The following TRIM72 variants were observed in gnomAD, a reference collection of about 807,000 sequenced individuals.
TRIM72 encodes the protein tripartite motif containing 72, also known as tripartite motif-containing protein 72.
TRIM72 carries 33 observed loss-of-function variants against 31.6 expected under a neutral mutation model. The ratio of observed to expected loss-of-function variants is 1.04; its 90% CI spans 0.79 to 1.40. The LOEUF is 1.40. TRIM72 is among the 40% of genes most tolerant of loss of function. The probability of loss-of-function intolerance (pLI) is 0.00; values close to 1 mark genes in which losing one functional copy is unlikely to be tolerated. For missense variants in TRIM72, 666 were observed against 682.7 expected (o/e 0.98, Z 0.27); for synonymous variants, 301 against 314.4 (o/e 0.96, Z 0.45).
rs776299968 is a variant in TRIM72 at position 31,220,874 on chromosome 16, TTC to T, written c.718-18_718-17del. The T allele has an allele frequency of 6.2e-7, 1 of 1,614,094 alleles. No individual in the cohort carries two copies. The highest frequency in any genetic ancestry group is 2.2e-5 in the East Asian group (1 of 44,880). On this transcript the variant is annotated intron_variant, in intron 4 of 6. Transcript: ENST00000322122. ...GTCCCCACCATCGGCTTCACCACCA[TTC>T]TCTTTTTCTCTCTCTCCAGAAATAC...
intron 5 of TRIM72, among the ~76,000 whole-genome samples, chr16:31,222,163 C>CGGGCAGATCACCTGAGGT (rs1202961762): frequency 6.6e-6 from 1 of 152,100 alleles, no homozygotes; most frequent in Non-Finnish European, 1.5e-5. Context: ...GAGGCTGAGG[C>CGGGCAGATCACCTGAGGT]GGGCAGATCA....
chr16:31,215,276 C>T lies in TRIM72; in HGVS notation c.390+148C>T. Reference sequence around the variant, plus strand: ...GGGGGCGGGGGCGGGGCGAAGCAGCCAGGAAAGAGGGTCTGAGGAGCTTAA... The same window carrying T: ...GGGGGCGGGGGCGGGGCGAAGCAGCTAGGAAAGAGGGTCTGAGGAGCTTAA... On this transcript the variant is annotated intron_variant, in intron 2 of 6. Transcript: ENST00000322122. This position sits in a 1 kb window ranked among gnomAD's most constrained non-coding sequence, Gnocchi z 6.3. The T allele has an allele frequency of 8.0e-7, 1 of 1,249,786 alleles. No individual in the cohort carries two copies. The highest frequency in any genetic ancestry group is 1.0e-6 in the Non-Finnish European group (1 of 969,004). The allele number at this position is 1,249,786 out of a possible 1,614,324, so 77.4% of individuals were successfully genotyped here.
At chr16:31,223,745 A>C (rs542314597) in intron 6 of TRIM72, among the ~76,000 whole-genome samples, 1 of 152,128 alleles carries the variant, frequency 6.6e-6, no homozygotes, top group Admixed American at 6.5e-5. Context: ...GTCTCTACAA[A>C]AACTTAAAAA....
chr16:31,224,743 C>A lies in TRIM72; in HGVS notation c.1422C>A (p.Gly474=). The A allele has an allele frequency of 6.7e-7, 1 of 1,494,334 alleles. No individual in the cohort carries two copies. The highest frequency in any genetic ancestry group is 1.4e-5 in the African/African-American group (1 of 70,266). 92.6% of individuals were successfully genotyped at this position (1,494,334 alleles called of 1,614,324 possible). The change falls in exon 7 of 7, where the codon GGC becomes GGA. Residue 474 remains glycine (G), a synonymous_variant. Transcript: ENST00000322122. Reference sequence around the variant, plus strand: ...CGCTGCTGCTCGTGGGTCCCGAAGGCGCCGAGGCCTGAGCCGCCGGACGGG... The same window carrying A: ...CGCTGCTGCTCGTGGGTCCCGAAGGAGCCGAGGCCTGAGCCGCCGGACGGG... ...AQPLLLVGPE[G]AEA
Position 31,214,977 on chromosome 16 carries a change from A to G in TRIM72, c.239A>G (p.Gln80Arg). 2 of 1,490,122 alleles carry G rather than the reference A, an allele frequency of 1.3e-6. No individual in the cohort carries two copies. Among genetic ancestry groups the G allele is most frequent in the Non-Finnish European group, 1.8e-6 (2 of 1,128,234 alleles). The allele number at this position is 1,490,122 out of a possible 1,614,324, so 92.3% of individuals were successfully genotyped here. The change falls in exon 2 of 7, where the codon CAG becomes CGG. Residue 80 changes from glutamine (Q) to arginine (R), a missense_variant. Physicochemically the swap from Gln to Arg is conservative, Grantham distance 43. Transcript: ENST00000322122. ...GCGCGCCTGGTGGAGGGGCTGGCCC[A>G]GGTGCCGCAGGGCCACTGCGAGGAG... ...QLARLVEGLA[Q>R]VPQGHCEEHL...
At position 31,216,254 on chromosome 16, in the gene TRIM72, A is replaced by T. The variant is rs2079507765; in HGVS notation, c.390+1126A>T. 1 of 153,794 alleles carries T rather than the reference A, an allele frequency of 6.5e-6. No homozygotes were observed. Among genetic ancestry groups the T allele is most frequent in the South Asian group, 2.0e-4 (1 of 5,050 alleles). The allele number at this position is 153,794 out of a possible 1,614,324, so 9.5% of individuals were successfully genotyped here. A position where few individuals can be genotyped will look rare whatever the true frequency, so the allele number is the denominator to read the frequency against. On this transcript the variant is annotated intron_variant, in intron 2 of 6. Transcript: ENST00000322122. This position sits in a 1 kb window ranked among gnomAD's most constrained non-coding sequence, Gnocchi z 6.7. The stretch of plus-strand genomic sequence containing the variant: ...AGTCCTGCCTGGCCCAGTTCAGCCC[A>T]GTCCTAGCTGGTGGTCTCCTAGCTC...
chr16:31,215,053 C>T lies in TRIM72; in HGVS notation c.315C>T (p.Cys105=). The T allele has an allele frequency of 1.3e-6, 2 of 1,490,410 alleles. No homozygotes were observed. The highest frequency in any genetic ancestry group is 2.3e-5 in the Admixed American group (1 of 44,058). The allele number at this position is 1,490,410 out of a possible 1,614,324, so 92.3% of individuals were successfully genotyped here. A position where few individuals can be genotyped will look rare whatever the true frequency, so the allele number is the denominator to read the frequency against. Residue 105 remains cysteine, a synonymous_variant, in exon 2 of 7, where the codon TGC becomes TGT. Transcript: ENST00000322122. This position sits in a 1 kb window ranked among gnomAD's most constrained non-coding sequence, Gnocchi z 6.3. ...IYCEQDRALV[C]GVCASLGSHR... Reference sequence around the variant, plus strand: ...GCGAGCAGGACCGCGCGCTGGTGTGCGGAGTGTGCGCCTCACTCGGCTCGC... The same window carrying T: ...GCGAGCAGGACCGCGCGCTGGTGTGTGGAGTGTGCGCCTCACTCGGCTCGC...
rs549229999 is a variant in TRIM72 at position 31,219,874 on chromosome 16, T to C, written c.717+355T>C. ...GCCTCCTGGGTTCATGCTATTCTCC[T>C]GCCTCAGCCTCCCGAGTAGCTGGGA... On this transcript the variant is annotated intron_variant, in intron 4 of 6. Coordinates refer to ENST00000322122, the MANE Select transcript of TRIM72 (RefSeq NM_001008274.4). This position sits in a 1 kb window ranked among gnomAD's most constrained non-coding sequence, Gnocchi z 4.2. Among the ~76,000 whole-genome samples, 3 of 149,946 alleles carry C rather than the reference T, an allele frequency of 2.0e-5. No individual in the cohort carries two copies. The highest frequency in any genetic ancestry group is 4.4e-5 in the Non-Finnish European group (3 of 67,704).
rs375350426 is a variant in TRIM72, at chr16:31,224,275, G to A, written c.954G>A (p.Ala318=). The A allele has an allele frequency of 6.9e-6, 11 of 1,603,450 alleles. No individual in the cohort carries two copies. The highest frequency in any genetic ancestry group is 1.3e-5 in the African/African-American group (1 of 74,804). The change falls in exon 7 of 7, where the codon GCG becomes GCA. Residue 318 remains alanine, a synonymous_variant. Coordinates refer to ENST00000322122, the MANE Select transcript of TRIM72 (RefSeq NM_001008274.4). ...GCGTGGAGTGCTCGGAGCAGAAGGC[G>A]CCGCCGGCCGGGGAGGACCCGCGCC... is the stretch of plus-strand genomic sequence containing the variant. ...GRRVECSEQK[A]PPAGEDPRQF...
At chr16:31,217,049 A>ATAC in intron 2 of TRIM72, 1 of 1,601,980 alleles carries the variant, frequency 6.2e-7, no homozygotes, top group East Asian at 2.3e-5. Flanking sequence ...TGCGCCTCTG[A>ATAC]GCCTCCGAGG....
chr16:31,215,182 G>T lies in TRIM72; in HGVS notation c.390+54G>T, dbSNP rs1271209623. ...AGGGGCTGTTCGGTGGCACGGGGCCGATGGGGAGGTCGCTGCAGTGATTTG... is the reference window on the plus strand; with the variant it reads ...AGGGGCTGTTCGGTGGCACGGGGCCTATGGGGAGGTCGCTGCAGTGATTTG... On this transcript the variant is annotated intron_variant, in intron 2 of 6. Coordinates refer to ENST00000322122, the MANE Select transcript of TRIM72 (RefSeq NM_001008274.4). This position sits in a 1 kb window ranked among gnomAD's most constrained non-coding sequence, Gnocchi z 6.3. The T allele has an allele frequency of 1.4e-6, 2 of 1,421,482 alleles. No individual in the cohort carries two copies. Among genetic ancestry groups the T allele is most frequent in the African/African-American group, 1.5e-5 (1 of 66,792 alleles). The allele number at this position is 1,421,482 out of a possible 1,614,324, so 88.1% of individuals were successfully genotyped here. A position where few individuals can be genotyped will look rare whatever the true frequency, so the allele number is the denominator to read the frequency against.
At chr16:31,214,598 T>G in intron 1 of TRIM72, 134 bp from the exon 2 acceptor site, 1 of 991,052 alleles carries the variant, frequency 1.0e-6, no homozygotes, top group Non-Finnish European at 1.4e-6. Context: ...CCATCCAGTG[T>G]AGGATGTGAG....
At position 31,219,992 on chromosome 16, in the gene TRIM72, T is replaced by C. The variant is rs1352797490; in HGVS notation, c.717+473T>C. Among the ~76,000 whole-genome samples, 2 of 152,100 alleles carry C rather than the reference T, an allele frequency of 1.3e-5. No homozygotes were observed. Among genetic ancestry groups the C allele is most frequent in the Non-Finnish European group, 2.9e-5 (2 of 68,008 alleles). On this transcript the variant is annotated intron_variant, in intron 4 of 6. Transcript: ENST00000322122. This position sits in a 1 kb window ranked among gnomAD's most constrained non-coding sequence, Gnocchi z 4.2. ...GTTAGCCAGGATGGTCTTGATCTCCTGACCTTGTGATCCACCTGCCTTAGC... is the reference window on the plus strand; with the variant it reads ...GTTAGCCAGGATGGTCTTGATCTCCCGACCTTGTGATCCACCTGCCTTAGC...
chr16:31,220,654 A>G (rs1030782554), intron 4 of TRIM72, among the ~76,000 whole-genome samples: 1 of 150,876 alleles, frequency 6.6e-6, no homozygotes, highest in African/African-American at 2.4e-5. Flanking sequence ...TATTTTTAGT[A>G]GAGATGGGGT....
rs961293200 is a variant in TRIM72, at chr16:31,216,623, C to T, written c.390+1495C>T. On this transcript the variant is annotated intron_variant, in intron 2 of 6. Coordinates refer to ENST00000322122, the MANE Select transcript of TRIM72 (RefSeq NM_001008274.4). This position sits in a 1 kb window ranked among gnomAD's most constrained non-coding sequence, Gnocchi z 6.7. ...CCCTTCGCCCCCGGGAGGGGCTGGC[C>T]GGAGGTCTGAGGGAGGACCCCAGGA... The T allele has an allele frequency of 3.0e-5, 32 of 1,076,056 alleles. 1 individual carries two copies. In the Admixed American group the frequency reaches 6.2e-4, roughly 21 times the overall value. The allele number at this position is 1,076,056 out of a possible 1,614,324, so 66.7% of individuals were successfully genotyped here.
Position 31,214,724 on chromosome 16 carries a change from C to A in TRIM72, c.-7-8C>A. The A allele has an allele frequency of 6.4e-7, 1 of 1,557,864 alleles. No individual in the cohort carries two copies. The highest frequency in any genetic ancestry group is 1.2e-5 in the South Asian group (1 of 86,436). ...GGGGTCCCCCTAACCTACTCCTCCT[C>A]CACCCAGGCCCGCCATGTCGGCTGC... On this transcript the variant is annotated splice_polypyrimidine_tract_variant and splice_region_variant and intron_variant, in intron 1 of 6. Coordinates refer to ENST00000322122, the MANE Select transcript of TRIM72 (RefSeq NM_001008274.4).
intron 4 of TRIM72, among the ~76,000 whole-genome samples, chr16:31,220,614 G>A (rs763616531): frequency 6.6e-6 from 1 of 151,478 alleles, no homozygotes; most frequent in Non-Finnish European, 1.5e-5. Context: ...GATTACAGGT[G>A]CCTGCCACCA....
chr16:31,221,840 G>C (rs2079535755), intron 5 of TRIM72, among the ~76,000 whole-genome samples: 1 of 147,868 alleles, frequency 6.8e-6, no homozygotes, highest in Admixed American at 6.8e-5. Flanking sequence ...GGGCATTGCA[G>C]AGAGAAGGGC....
rs2079508785 is a variant in TRIM72, at chr16:31,216,432, AC to A, written c.390+1305del. ...AAATCTTGCTGCCGCTAAAAAAAAA[AC>A]AAAAAACAAACAAACAAAAAAAACC... On this transcript the variant is annotated intron_variant, in intron 2 of 6. Transcript: ENST00000322122. This position sits in a 1 kb window ranked among gnomAD's most constrained non-coding sequence, Gnocchi z 6.7. The A allele has an allele frequency of 2.1e-4, 73 of 339,872 alleles. No individual in the cohort carries two copies. Among genetic ancestry groups the A allele is most frequent in the Non-Finnish European group, 3.4e-4 (64 of 186,674 alleles). 21.1% of individuals were successfully genotyped at this position (339,872 alleles called of 1,614,324 possible).
Sources: gnomAD v4.1 joint callset for allele counts (sites outside exome capture counted in the v4.1 genomes callset) on GRCh38, gnomAD v4.1.1 for gene constraint, Gnocchi (gnomAD v3.1) non-coding constraint, MANE v1.5 for transcripts, NCBI Gene and HGNC (gene_info 2026-07-23, HGNC 2026-07-21) for gene names.